USP48: variants seen among roughly 807,000 people sequenced by gnomAD.
USP48 encodes the protein ubiquitin specific peptidase 48, also known as ubiquitin carboxyl-terminal hydrolase 48.
A neutral mutation model predicts 150.7 loss-of-function variants in USP48; 43 were observed. That is an observed-to-expected ratio of 0.29 (90% confidence interval 0.22 to 0.37). The LOEUF is 0.37. Ranked by LOEUF, USP48 falls within the 10% of genes least tolerant of loss-of-function variation. The pLI, the probability that USP48 is intolerant of heterozygous loss-of-function variation, is 1.00. For missense variants in USP48, 813 were observed against 1,249.6 expected, an observed-to-expected ratio of 0.65 and a Z score of 5.27; for synonymous variants, 396 against 425.9, an observed-to-expected ratio of 0.93 and a Z score of 0.86.
chr1:21,696,658 T>A lies in USP48; in HGVS notation c.2728-1437A>T, dbSNP rs829387. 6.6e-5 allele frequency among the ~76,000 whole-genome samples: 10 copies of A among 151,958 alleles called. No homozygotes were observed. The East Asian group carries it at 1.5e-3, about 24-fold the overall frequency. On this transcript the variant is annotated intron_variant, in intron 22 of 26. Transcript: ENST00000308271. Reference sequence around the variant, plus strand: ...ACATTATTAGTATTAGGTAGGACACTGTCTTTATTTTTAGAGGGGAAATGT... The same window carrying A: ...ACATTATTAGTATTAGGTAGGACACAGTCTTTATTTTTAGAGGGGAAATGT...
In USP48 at chr1:21,757,775, C is replaced by T; in HGVS notation, c.143G>A (p.Cys48Tyr). The T allele has an allele frequency of 6.2e-7, 1 of 1,600,056 alleles. No homozygotes were observed. The highest frequency in any genetic ancestry group is 8.5e-7 in the Non-Finnish European group (1 of 1,175,460). The change falls in exon 2 of 27, where the codon TGC (cysteine) becomes TAC (tyrosine). Residue 48 changes from cysteine to tyrosine, a missense_variant. Transcript: ENST00000308271. ...AACCAAGCAATTCGGATTTCCTTTG[C>T]AGTTTCGTCTAAGGGGAAAAAAAAA... The part of the protein sequence containing the change: ...PCIRGVCRRN[C>Y]KGNPNCLVGI...
intron 8 of USP48, among the ~76,000 whole-genome samples, chr1:21,737,744 T>C (rs1188715005): frequency 6.6e-6 from 1 of 152,216 alleles, no homozygotes; most frequent in East Asian, 1.9e-4. Flanking sequence ...TCATTATTCT[T>C]CTAAAAATTA....
chr1:21,755,364 C>T (rs2097829692), intron 3 of USP48, among the ~76,000 whole-genome samples: 1 of 151,980 alleles, frequency 6.6e-6, no homozygotes, highest in Admixed American at 6.6e-5. Context: ...AGTTTGAGAC[C>T]AGCCTGGGCA....
intron 25 of USP48, chr1:21,686,378 G>C (rs749717432): frequency 2.0e-5 from 3 of 152,140 alleles, no homozygotes; most frequent in Non-Finnish European, 4.4e-5. Context: ...GGTTTTTTGA[G>C]AGTTTTTACC....
rs919578991 is a variant in USP48 at position 21,782,959 on chromosome 1, G to T, written c.-2C>A. The T allele has an allele frequency of 6.5e-7, 1 of 1,536,538 alleles. No homozygotes were observed. Among genetic ancestry groups the T allele is most frequent in the Admixed American group, 2.0e-5 (1 of 50,574 alleles). ...CTCCAGCTGCAGCCGCGGGGCCATG[G>T]CCTTGGCCCCAGGAACGCCTCCCGA... On this transcript the variant is annotated 5_prime_UTR_variant, in exon 1 of 27. Coordinates refer to ENST00000308271, the MANE Select transcript of USP48 (RefSeq NM_032236.8).
At chr1:21,753,186 TTCC>T in intron 3 of USP48, 67 bp from the exon 4 acceptor site, 1 of 1,490,108 alleles carries the variant, frequency 6.7e-7, no homozygotes, top group South Asian at 1.2e-5. Flanking sequence ...AAAATGGTAC[TTCC>T]TCTTCACATG....
chr1:21,741,866 C>A (rs942256295), intron 8 of USP48, among the ~76,000 whole-genome samples: 2 of 152,012 alleles, frequency 1.3e-5, no homozygotes, highest in African/African-American at 4.8e-5. Flanking sequence ...CCCAGCTACT[C>A]AGGAGGCTGA....
intron 15 of USP48, among the ~76,000 whole-genome samples, chr1:21,713,771 C>T (rs567510455): frequency 1.6e-4 from 24 of 152,174 alleles, no homozygotes; most frequent in Non-Finnish European, 2.9e-4. Flanking sequence ...TGTTTATTTC[C>T]TCGTGCTATT....
At chr1:21,687,949 G>A (rs1015658649) in intron 24 of USP48, among the ~76,000 whole-genome samples, 1 of 152,150 alleles carries the variant, frequency 6.6e-6, no homozygotes, top group African/African-American at 2.4e-5. Flanking sequence ...GGGATGAGGG[G>A]TGTGTGTGCA....
intron 1 of USP48, among the ~76,000 whole-genome samples, chr1:21,761,229 T>A (rs1213336203): frequency 6.6e-6 from 1 of 152,148 alleles, no homozygotes; most frequent in Admixed American, 6.6e-5. Flanking sequence ...GAAACAACCT[T>A]ATCGGCAAAG....
chr1:21,744,612 C>T (rs1000871221), intron 8 of USP48, among the ~76,000 whole-genome samples: 4 of 150,610 alleles, frequency 2.7e-5, no homozygotes, highest in African/African-American at 7.3e-5. Flanking sequence ...CCCGTCTCTA[C>T]TAAAAATACA....
intron 22 of USP48, among the ~76,000 whole-genome samples, chr1:21,700,623 AAAAC>A (rs1213808391): frequency 1.3e-5 from 2 of 152,256 alleles, no homozygotes; most frequent in Admixed American, 6.5e-5. Context: ...GTAAAGAAAG[AAAAC>A]AAACATCTCA....
At chr1:21,679,572 G>T in intron 26 of USP48, 133 bp from the exon 27 acceptor site, 1 of 1,108,146 alleles carries the variant, frequency 9.0e-7, no homozygotes, top group Non-Finnish European at 1.3e-6. Context: ...ACCTTGGTGT[G>T]GGAGGATAAG....
intron 1 of USP48, among the ~76,000 whole-genome samples, chr1:21,763,486 C>T (rs1311802442): frequency 1.3e-5 from 2 of 152,152 alleles, no homozygotes; most frequent in African/African-American, 4.8e-5. Context: ...TGTGTTTGTT[C>T]TCTTACTTGG....
chr1:21,743,213 G>A (rs2097786200), intron 8 of USP48, among the ~76,000 whole-genome samples: 2 of 152,140 alleles, frequency 1.3e-5, no homozygotes, highest in South Asian at 4.1e-4. Flanking sequence ...AGGCTGAAGA[G>A]GAACCAAAGC....
chr1:21,767,469 T>A (rs2097864901), intron 1 of USP48, among the ~76,000 whole-genome samples: 1 of 151,992 alleles, frequency 6.6e-6, no homozygotes, highest in Non-Finnish European at 1.5e-5. Flanking sequence ...GGACTCCAGG[T>A]GTGCGTCACC....
At chr1:21,769,248 TAGA>T (rs2097871849) in intron 1 of USP48, among the ~76,000 whole-genome samples, 1 of 152,176 alleles carries the variant, frequency 6.6e-6, no homozygotes, top group African/African-American at 2.4e-5. Context: ...ATACAACTTA[TAGA>T]AATAACACAG....
intron 14 of USP48, among the ~76,000 whole-genome samples, chr1:21,716,636 T>A (rs1010133817): frequency 2.0e-5 from 3 of 152,264 alleles, no homozygotes; most frequent in African/African-American, 7.2e-5. Flanking sequence ...TCTTCCAGTA[T>A]CTGCTTTTCT....
intron 23 of USP48, among the ~76,000 whole-genome samples, chr1:21,692,308 C>A (rs2097604491): frequency 6.6e-6 from 1 of 152,104 alleles, no homozygotes; most frequent in South Asian, 2.1e-4. Flanking sequence ...CAAGCCAGCT[C>A]AGCATGCAAA....
Sources: allele counts gnomAD v4.1 joint callset (sites outside exome capture counted in the v4.1 genomes callset), GRCh38; gene constraint gnomAD v4.1.1; transcripts MANE v1.5; gene names NCBI Gene and HGNC (gene_info 2026-07-23, HGNC 2026-07-21).